The following POLA2 variants were observed in gnomAD, a reference collection of about 807,000 sequenced individuals.
POLA2 encodes DNA polymerase alpha subunit B.
POLA2 carries 47 observed loss-of-function variants against 82.8 expected under a neutral mutation model. The ratio of observed to expected loss-of-function variants is 0.57; its 90% confidence interval spans 0.45 to 0.72. The LOEUF is 0.72. Ranked by LOEUF, POLA2 falls within the 30% of genes least tolerant of loss-of-function variation. POLA2 has a pLI of 0.00. For missense variants in POLA2, 634 were observed against 728.1 expected, an observed-to-expected ratio of 0.87 and a Z score of 1.49; for synonymous variants, 287 against 286.8, an observed-to-expected ratio of 1.00 and a Z score of -0.01.
In POLA2 at chr11:65,281,695, C is replaced by T. The variant is rs1261496526; in HGVS notation, c.926C>T (p.Thr309Ile). The part of the protein sequence containing the change: ...GQVVIMEGIN[T>I]TGRKLVATKL... ...GTTGTAATTATGGAAGGAATCAACA[C>T]CACTGGTAGGAAACTTGTTGCCACC... Residue 309 changes from threonine to isoleucine, a missense_variant, in exon 9 of 18, where the codon ACC (threonine) becomes ATC (isoleucine). Coordinates refer to ENST00000265465, the MANE Select transcript of POLA2 (RefSeq NM_002689.4). 16 of 1,613,758 alleles carry T rather than the reference C, an allele frequency of 9.9e-6. No individual in the cohort carries two copies. Among genetic ancestry groups the T allele is most frequent in the Non-Finnish European group, 1.3e-5 (15 of 1,179,764 alleles).
intron 3 of POLA2, among the ~76,000 whole-genome samples, chr11:65,268,438 G>A (rs564743397): frequency 3.3e-5 from 5 of 150,844 alleles, no homozygotes; most frequent in East Asian, 2.0e-4. Flanking sequence ...TGCAAGCTCC[G>A]TCTCCTGGGT....
At chr11:65,301,392 C>T (rs1949858917), downstream of POLA2, among the ~76,000 whole-genome samples, 1 of 151,942 alleles carries the variant, frequency 6.6e-6, no homozygotes, top group South Asian at 2.1e-4. Flanking sequence ...GGTGCAGCCT[C>T]AGTACCTGGT....
intron 13 of POLA2, among the ~76,000 whole-genome samples, chr11:65,292,510 C>T (rs1949765900): frequency 6.6e-6 from 1 of 152,238 alleles, no homozygotes; most frequent in Admixed American, 6.5e-5. Flanking sequence ...AGCTGCACCT[C>T]AGTCCTTTGT....
At position 65,266,769 on chromosome 11, in the gene POLA2, A is replaced by G. The variant is rs868738399; in HGVS notation, c.204+63A>G. On this transcript the variant is annotated intron_variant, in intron 2 of 17. Coordinates refer to ENST00000265465, the MANE Select transcript of POLA2 (RefSeq NM_002689.4). ...TCCATTTCTGCTCTACAGGGGAGGC[A>G]TTGTGATATATTGAGAGGAGTGTGG... 3 of 1,557,342 alleles carry G rather than the reference A, an allele frequency of 1.9e-6. No individual in the cohort carries two copies. The Middle Eastern group carries it at 5.1e-4, about 265-fold the overall frequency.
chr11:65,295,126 G>A (rs1035686989), intron 15 of POLA2, among the ~76,000 whole-genome samples: 4 of 152,190 alleles, frequency 2.6e-5, no homozygotes, highest in Admixed American at 6.5e-5. Context: ...CCGTTCTGCC[G>A]TCATCCTTGA....
intron 8 of POLA2, among the ~76,000 whole-genome samples, chr11:65,303,791 A>C (rs1949871159): frequency 6.6e-6 from 1 of 152,198 alleles, no homozygotes. Flanking sequence ...TCCACCTTCC[A>C]GAAGCAGGCA....
At chr11:65,268,577 C>T (rs370471919) in intron 3 of POLA2, 95 bp from the exon 4 acceptor site, 160 of 723,844 alleles carry the variant, frequency 2.2e-4, no homozygotes, top group African/African-American at 2.1e-3. Context: ...CTCCTGATCT[C>T]GTGATCCGCC....
chr11:65,281,315 T>C (rs964785170), intron 8 of POLA2, among the ~76,000 whole-genome samples, 168 bp downstream of exon 8: 2 of 152,142 alleles, frequency 1.3e-5, no homozygotes, highest in African/African-American at 4.8e-5. Flanking sequence ...GTTTCCCCCA[T>C]GCTCTGACCC....
chr11:65,291,640 CT>C (rs1949756463), intron 13 of POLA2, among the ~76,000 whole-genome samples: 1 of 152,220 alleles, frequency 6.6e-6, no homozygotes, highest in Non-Finnish European at 1.5e-5. Flanking sequence ...TAGGCAGGGA[CT>C]GTGTTGTAGT....
At chr11:65,264,105 T>C (rs1188989601) in intron 1 of POLA2, among the ~76,000 whole-genome samples, 1 of 152,164 alleles carries the variant, frequency 6.6e-6, no homozygotes, top group Non-Finnish European at 1.5e-5. Context: ...GAGTTTCTCA[T>C]TGCCCAGGCT....
intron 11 of POLA2, 94 bp from the exon 12 acceptor site, chr11:65,288,956 C>G (rs1157180570): frequency 1.7e-6 from 2 of 1,198,866 alleles, no homozygotes; most frequent in African/African-American, 3.0e-5. Context: ...GATGAGCCCT[C>G]CACAGAGAAC....
intron 10 of POLA2, among the ~76,000 whole-genome samples, chr11:65,283,237 A>T (rs1398093223): frequency 6.6e-6 from 1 of 152,236 alleles, no homozygotes; most frequent in Non-Finnish European, 1.5e-5. Flanking sequence ...CAACATCTGA[A>T]TAAAGCCAGG....
In POLA2 at chr11:65,275,965, A is replaced by G. The variant is rs768143901; in HGVS notation, c.428A>G (p.His143Arg). Residue 143 changes from histidine to arginine, a missense_variant, in exon 5 of 18, where the codon CAT (histidine) becomes CGT (arginine). His to Arg is a conservative substitution (Grantham distance 29, BLOSUM62 0). Transcript: ENST00000265465. ...TKRSVSTRSP[H>R]QLLSPSSFSP... is the part of the protein sequence containing the mutation. ...AGGAGTGTGTCAACTCGTAGCCCCC[A>G]TCAGCTACTCTCACCGTCAAGTTTC... The G allele has an allele frequency of 1.8e-5, 29 of 1,606,750 alleles. No individual in the cohort carries two copies. The highest frequency in any genetic ancestry group is 2.5e-5 in the Non-Finnish European group (29 of 1,176,558).
chr11:65,269,927 C>T (rs1176237094), intron 4 of POLA2, among the ~76,000 whole-genome samples: 2 of 152,118 alleles, frequency 1.3e-5, no homozygotes, highest in Non-Finnish European at 2.9e-5. Context: ...CTCCGCCTCC[C>T]GGGTTCAAGC....
In POLA2 at chr11:65,287,739, G is replaced by C. The variant is rs1377709709; in HGVS notation, c.1030G>C (p.Val344Leu). Residue 344 changes from valine (V) to leucine (L), a missense_variant, in exon 11 of 18, where the codon GTT becomes CTT. Transcript: ENST00000265465. ...AGACTTTGAGCAAAGCATGGTCCTG[G>C]TTGCCTGTGGACCATACACCACATC... ...DADFEQSMVL[V>L]ACGPYTTSDS... 6.2e-7 allele frequency: 1 copy of C among 1,613,040 alleles called. No individual in the cohort carries two copies. The highest frequency in any genetic ancestry group is 8.5e-7 in the Non-Finnish European group (1 of 1,179,442).
chr11:65,279,134 A>G (rs1949613337), intron 6 of POLA2, among the ~76,000 whole-genome samples: 1 of 152,202 alleles, frequency 6.6e-6, no homozygotes, highest in African/African-American at 2.4e-5. Context: ...GCTAAAACGC[A>G]CATAACCATT....
At chr11:65,288,720 A>G (rs1005956773) in intron 11 of POLA2, among the ~76,000 whole-genome samples, 2 of 152,066 alleles carry the variant, frequency 1.3e-5, no homozygotes, top group Admixed American at 6.6e-5. Context: ...GGGTTTCACC[A>G]TATTGCCCAG....
intron 10 of POLA2, among the ~76,000 whole-genome samples, chr11:65,283,203 C>T (rs935330101): frequency 1.3e-5 from 2 of 152,048 alleles, no homozygotes; most frequent in South Asian, 2.1e-4. Flanking sequence ...TTGAAGAGAA[C>T]GGGAACATCA....
chr11:65,278,498 C>T (rs1263866149), intron 5 of POLA2, among the ~76,000 whole-genome samples: 1 of 152,188 alleles, frequency 6.6e-6, no homozygotes, highest in Non-Finnish European at 1.5e-5. Context: ...GTTTCTGTCT[C>T]TAAACTTCTC....
Sources: allele counts gnomAD v4.1 joint callset (sites outside exome capture counted in the v4.1 genomes callset), GRCh38; gene constraint gnomAD v4.1.1; transcripts MANE v1.5; gene names NCBI Gene and HGNC (gene_info 2026-07-23, HGNC 2026-07-21).